The following SGSM1 variants were observed in gnomAD, a reference collection of about 807,000 sequenced individuals.
The protein encoded by SGSM1 is RUN and TBC1 domain containing 2.
In SGSM1, 73 loss-of-function variants were observed where a neutral mutation model predicts 133.8. The ratio of observed to expected loss-of-function variants is 0.55; its 90% CI spans 0.45 to 0.66. SGSM1 has a LOEUF of 0.66. SGSM1 is among the 30% of genes least tolerant of loss of function. The pLI is 0.00. For synonymous variants in SGSM1, 563 were observed against 573.0 expected, an observed-to-expected ratio of 0.98 and a Z score of 0.25; for missense variants, 1,213 against 1,448.1, an observed-to-expected ratio of 0.84 and a Z score of 2.64.
At chr22:24,809,752 C>T (rs5752002) in intron 2 of SGSM1, among the ~76,000 whole-genome samples, 35,223 of 151,986 alleles carry the variant, frequency 0.23, 5,119 homozygotes, top group East Asian at 0.51. Flanking sequence ...GACCTTGCAG[C>T]GGAGGAAACA....
chr22:24,830,051 G>C (rs1055891834), intron 2 of SGSM1, among the ~76,000 whole-genome samples: 3 of 115,552 alleles, frequency 2.6e-5, no homozygotes, highest in Admixed American at 9.8e-5. Flanking sequence ...GGATGGGTTC[G>C]GAGGAGTGTG....
At chr22:24,815,326 A>G (rs1367202677) in intron 2 of SGSM1, among the ~76,000 whole-genome samples, 1 of 152,186 alleles carries the variant, frequency 6.6e-6, no homozygotes, top group African/African-American at 2.4e-5. Flanking sequence ...TTGCCCGGGA[A>G]GAAGTCTTTA....
intron 2 of SGSM1, among the ~76,000 whole-genome samples, chr22:24,838,648 G>T (rs1256932065): frequency 1.3e-5 from 2 of 152,100 alleles, no homozygotes; most frequent in Non-Finnish European, 2.9e-5. Context: ...CTTTGAATGG[G>T]CATGACACCC....
At chr22:24,809,236 A>T (rs1927594661) in intron 2 of SGSM1, among the ~76,000 whole-genome samples, 1 of 152,278 alleles carries the variant, frequency 6.6e-6, no homozygotes, top group South Asian at 2.1e-4. Context: ...GTGGAACAGA[A>T]GGGAAAGCTC....
At chr22:24,907,364 C>T (rs1933427686) in intron 21 of SGSM1, among the ~76,000 whole-genome samples, 1 of 152,084 alleles carries the variant, frequency 6.6e-6, no homozygotes, top group Admixed American at 6.6e-5. Flanking sequence ...ACATTGAAAA[C>T]TACAAGGCAT....
chr22:24,835,187 G>A (rs976154287), intron 2 of SGSM1, among the ~76,000 whole-genome samples: 2 of 152,126 alleles, frequency 1.3e-5, no homozygotes, highest in Non-Finnish European at 1.5e-5. Context: ...AGGGAGGTGG[G>A]ATGCACAGAC....
rs1409891971 is a variant in SGSM1, at chr22:24,855,335, T to C, written c.574T>C (p.Trp192Arg). ...YTKMKTADHF[W>R]TDPSADELVQ... The stretch of plus-strand genomic sequence containing the variant: ...CAAGATGAAGACTGCAGATCACTTC[T>C]GGACCGATCCCTCGGCTGACGAACT... The change falls in exon 7 of 25, where the codon TGG becomes CGG. Residue 192 changes from tryptophan to arginine, a missense_variant. Transcript: ENST00000400358. 22 of 1,613,138 alleles carry C rather than the reference T, an allele frequency of 1.4e-5. No individual in the cohort carries two copies. Among genetic ancestry groups the C allele is most frequent in the Non-Finnish European group, 1.8e-5 (21 of 1,179,622 alleles).
At chr22:24,866,628 G>T (rs528654888) in intron 9 of SGSM1, among the ~76,000 whole-genome samples, 2 of 152,302 alleles carry the variant, frequency 1.3e-5, no homozygotes, top group Admixed American at 1.3e-4. Flanking sequence ...CCATTCTCAG[G>T]CATAGTCGCT....
intron 12 of SGSM1, among the ~76,000 whole-genome samples, chr22:24,873,815 T>C (rs1601943810): frequency 6.6e-6 from 1 of 151,964 alleles, no homozygotes; most frequent in African/African-American, 2.4e-5. Flanking sequence ...TTTGTGCCAC[T>C]GTACATCAGC....
intron 22 of SGSM1, among the ~76,000 whole-genome samples, chr22:24,913,762 G>C (rs547921085): frequency 1.1e-4 from 16 of 152,338 alleles, no homozygotes; most frequent in African/African-American, 3.6e-4. Flanking sequence ...GTTCATGCCA[G>C]TAATCCCAGC....
rs1234047808 is a variant in SGSM1 at position 24,868,516 on chromosome 22, C to T, written c.1135C>T (p.Pro379Ser). 1.2e-6 allele frequency: 2 copies of T among 1,613,908 alleles called. No individual in the cohort carries two copies. Among genetic ancestry groups the T allele is most frequent in the South Asian group, 1.1e-5 (1 of 91,070 alleles). Reference protein sequence around the residue: ...GLLPHGQLDPPLWSQRGKGKV... With the variant: ...GLLPHGQLDPSLWSQRGKGKV... ...GCTCCCACATGGGCAGTTGGACCCG[C>T]CACTGTGGTCCCAGAGGGGTAAGGT... Residue 379 changes from proline to serine, a missense_variant, in exon 11 of 25, where the codon CCA becomes TCA. Transcript: ENST00000400358.
chr22:24,823,089 C>T (rs1400065754), intron 2 of SGSM1, among the ~76,000 whole-genome samples: 1 of 152,172 alleles, frequency 6.6e-6, no homozygotes, highest in Non-Finnish European at 1.5e-5. Flanking sequence ...AAGCCTTGTG[C>T]TCTCGGGCAA....
chr22:24,883,508 G>A (rs765966862), intron 14 of SGSM1, among the ~76,000 whole-genome samples: 1 of 152,174 alleles, frequency 6.6e-6, no homozygotes, highest in Non-Finnish European at 1.5e-5. Context: ...GCAGAGAAGG[G>A]TGCCATCACC....
chr22:24,876,816 C>T (rs148536117), intron 13 of SGSM1, 101 bp downstream of exon 13: 72 of 1,476,792 alleles, frequency 4.9e-5, no homozygotes, highest in Admixed American at 7.7e-5. Context: ...GTGAGCATAA[C>T]CTGCGGACTC....
intron 8 of SGSM1, among the ~76,000 whole-genome samples, chr22:24,858,765 G>A (rs2046040846): frequency 6.6e-6 from 1 of 152,172 alleles, no homozygotes; most frequent in African/African-American, 2.4e-5. Flanking sequence ...CTTCCTATGG[G>A]CACAGCAGGT....
At chr22:24,868,018 CAG>C (rs755099926) in intron 10 of SGSM1, among the ~76,000 whole-genome samples, 5 of 152,152 alleles carry the variant, frequency 3.3e-5, no homozygotes, top group East Asian at 1.9e-4. Context: ...TGCCCCGAGA[CAG>C]GGGAAGTCTG....
Position 24,921,142 on chromosome 22 carries a change from C to T in SGSM1, c.3193+1149C>T, listed in dbSNP as rs138414856. 5.6e-3 allele frequency among the ~76,000 whole-genome samples: 846 copies of T among 151,998 alleles called. 7 individuals carry two copies. Among genetic ancestry groups the T allele is most frequent in the African/African-American group, 0.02 (811 of 41,436 alleles). On this transcript the variant is annotated intron_variant, in intron 24 of 24. Transcript: ENST00000400358. The stretch of plus-strand genomic sequence containing the variant: ...TGAGACGGAGTCTCACTCTGTTACC[C>T]GCGCTGGAGTGAAGTGGCACGATCT...
At position 24,898,242 on chromosome 22, in the gene SGSM1, A is replaced by G. The variant is rs770192936; in HGVS notation, c.2293A>G (p.Thr765Ala). The change falls in exon 19 of 25, where the codon ACC (threonine) becomes GCC (alanine). Residue 765 changes from threonine (T) to alanine (A), a missense_variant. Transcript: ENST00000400358. ...GGATGACAGGCAGAGCAGCGAGGCC[A>G]CCACATCTCAGGATGAGGCTCCCCG... is the stretch of plus-strand genomic sequence containing the variant. ...SVDDRQSSEA[T>A]TSQDEAPREE... The G allele has an allele frequency of 1.1e-5, 17 of 1,613,732 alleles. No homozygotes were observed. In the South Asian group the frequency reaches 1.5e-4, roughly 15 times the overall value.
chr22:24,876,850 G>A, intron 13 of SGSM1, 135 bp downstream of exon 13: 1 of 1,178,562 alleles, frequency 8.5e-7, no homozygotes, highest in Non-Finnish European at 1.2e-6. Flanking sequence ...TTAAATCCTG[G>A]CCATGAAATC....
Sources: gnomAD v4.1 joint callset for allele counts (sites outside exome capture counted in the v4.1 genomes callset) on GRCh38, gnomAD v4.1.1 for gene constraint, MANE v1.5 for transcripts, NCBI Gene and HGNC (gene_info 2026-07-23, HGNC 2026-07-21) for gene names.